SPATA13: variants seen among roughly 807,000 people sequenced by gnomAD.
SPATA13 encodes the protein spermatogenesis associated 13, also known as spermatogenesis-associated protein 13.
Under a neutral mutation model 104.0 loss-of-function variants are expected in SPATA13, and 50 were observed. The observed-to-expected ratio is 0.48, with a 90% confidence interval of 0.38 to 0.61. SPATA13 has a LOEUF of 0.61. Ranked by LOEUF, SPATA13 falls within the 20% of genes least tolerant of loss-of-function variation. The pLI is 0.00. For synonymous variants in SPATA13, 606 were observed against 667.5 expected, an observed-to-expected ratio of 0.91 and a Z score of 1.42; for missense variants, 1,524 against 1,690.6, an observed-to-expected ratio of 0.90 and a Z score of 1.73.
At chr13:23,987,001 CTGTG>C (rs113990315) in intron 2 of SPATA13, among the ~76,000 whole-genome samples, 2,271 of 141,492 alleles carry the variant, frequency 0.016, 22 homozygotes, top group South Asian at 0.025. Flanking sequence ...ATGGATATAT[CTGTG>C]TGTGTGTGTG....
intron 2 of SPATA13, among the ~76,000 whole-genome samples, chr13:24,234,162 G>A (rs529117338): frequency 2.3e-4 from 35 of 152,250 alleles, no homozygotes; most frequent in African/African-American, 8.2e-4. Flanking sequence ...TAATCAACTT[G>A]TCATGATGTA....
At chr13:24,243,249 G>A (rs143891173) in intron 2 of SPATA13, among the ~76,000 whole-genome samples, 10 of 152,212 alleles carry the variant, frequency 6.6e-5, no homozygotes, top group African/African-American at 1.7e-4. Context: ...CTACGTTACG[G>A]CTCTTTTAAA....
chr13:24,239,206 G>A (rs575862688), intron 2 of SPATA13, among the ~76,000 whole-genome samples: 1 of 152,290 alleles, frequency 6.6e-6, no homozygotes, highest in African/African-American at 2.4e-5. Context: ...CAATTATTTT[G>A]TTTGTAGAAT....
intron 3 of SPATA13, among the ~76,000 whole-genome samples, chr13:24,149,016 C>A (rs989653783): frequency 6.6e-6 from 1 of 152,156 alleles, no homozygotes; most frequent in African/African-American, 2.4e-5. Flanking sequence ...TAGGCTCCGT[C>A]CACAAACAAA....
intron 1 of SPATA13, among the ~76,000 whole-genome samples, chr13:24,171,557 G>A (rs894304244): frequency 2.0e-5 from 3 of 152,224 alleles, no homozygotes; most frequent in African/African-American, 7.2e-5. Flanking sequence ...AATTACAAAT[G>A]GCCCAACAAG....
chr13:24,004,815 A>G (rs935945870), intron 2 of SPATA13, among the ~76,000 whole-genome samples: 4 of 152,186 alleles, frequency 2.6e-5, no homozygotes, highest in Admixed American at 6.5e-5. Flanking sequence ...GCAAAAGGAT[A>G]CTCAGCAAAA....
chr13:23,985,128 C>G (rs970034920), intron 2 of SPATA13, among the ~76,000 whole-genome samples: 1 of 152,200 alleles, frequency 6.6e-6, no homozygotes, highest in African/African-American at 2.4e-5. Context: ...TGATGACTTC[C>G]TCAGGCGTGG....
At chr13:24,278,770 A>C in intron 4 of SPATA13, 4 of 1,601,096 alleles carry the variant, frequency 2.5e-6, no homozygotes, top group Non-Finnish European at 3.4e-6. Context: ...ACTCATACTC[A>C]AAAAAGAAAA....
intron 3 of SPATA13, among the ~76,000 whole-genome samples, chr13:24,077,432 C>T (rs769549719): frequency 2.6e-5 from 4 of 151,818 alleles, no homozygotes; most frequent in Non-Finnish European, 2.9e-5. Context: ...ATAGTACACA[C>T]GGACATAAAG....
At position 24,080,981 on chromosome 13, in the gene SPATA13, G is replaced by A. The variant is rs149645528; in HGVS notation, c.-112+63280G>A. On this transcript the variant is annotated intron_variant, in intron 3 of 14. Transcript: ENST00000424834. Reference sequence around the variant, plus strand: ...TCCCAATGCTCCCTTTTGTCATTCCGAGGGTTCTGTCATCCTCTGGTAAGG... The same window carrying A: ...TCCCAATGCTCCCTTTTGTCATTCCAAGGGTTCTGTCATCCTCTGGTAAGG... Among the ~76,000 whole-genome samples, 50 of 152,230 alleles carry A rather than the reference G, an allele frequency of 3.3e-4. No individual in the cohort carries two copies. The East Asian group carries it at 6.0e-3, about 18-fold the overall frequency.
chr13:24,270,261 C>T (rs1170423860), intron 4 of SPATA13, among the ~76,000 whole-genome samples: 1 of 152,176 alleles, frequency 6.6e-6, no homozygotes, highest in Non-Finnish European at 1.5e-5. Flanking sequence ...AGAGAACTTA[C>T]ATGTATACCT....
At chr13:24,272,625 G>T (rs1874699175) in intron 4 of SPATA13, 1 of 152,210 alleles carries the variant, frequency 6.6e-6, no homozygotes, top group South Asian at 2.1e-4. Flanking sequence ...CGGGTTTATG[G>T]GTTGTCTGCC....
chr13:24,247,272 G>A (rs970811912), intron 2 of SPATA13, among the ~76,000 whole-genome samples: 2 of 152,136 alleles, frequency 1.3e-5, no homozygotes, highest in African/African-American at 4.8e-5. Context: ...ATTGTCTTTT[G>A]AGCAGAGGTG....
At chr13:23,990,011 C>A (rs1205498150) in intron 2 of SPATA13, among the ~76,000 whole-genome samples, 1 of 152,162 alleles carries the variant, frequency 6.6e-6, no homozygotes, top group African/African-American at 2.4e-5. Context: ...TGTTTATAAG[C>A]CACCCAGGTT....
At chr13:24,265,154 T>C (rs996939429) in intron 4 of SPATA13, among the ~76,000 whole-genome samples, 11 of 152,200 alleles carry the variant, frequency 7.2e-5, no homozygotes, top group African/African-American at 2.7e-4. Context: ...CTGAGCTGTG[T>C]ATGATGGGGC....
Position 24,286,849 on chromosome 13 carries a change from C to G in SPATA13, c.2566C>G (p.His856Asp), listed in dbSNP as rs772539861. Residue 856 changes from histidine (H) to aspartate (D), a missense_variant, in exon 7 of 13, where the codon CAC becomes GAC. This residue lies in a region of SPATA13 where 435 missense variants were observed against 554.8 expected (regional missense o/e 0.78). Coordinates refer to ENST00000382108, the MANE Select transcript of SPATA13 (RefSeq NM_001166271.3). This position sits in a 1 kb window ranked among gnomAD's most constrained non-coding sequence, Gnocchi z 4.9. ...EQDEEASQSR[H>D]RHCENKQQMR... ...GGACGAGGAGGCCAGCCAGAGCCGC[C>G]ACAGACACTGTGAGAACAAGCAGCA... is the stretch of plus-strand genomic sequence containing the variant. 10 of 1,613,724 alleles carry G rather than the reference C, an allele frequency of 6.2e-6. No homozygotes were observed. The Admixed American group carries it at 1.3e-4, about 22-fold the overall frequency.
chr13:23,986,096 A>G (rs1001008718), intron 2 of SPATA13, among the ~76,000 whole-genome samples: 1 of 152,214 alleles, frequency 6.6e-6, no homozygotes, highest in African/African-American at 2.4e-5. Context: ...AGTTGGAATA[A>G]TAAATGCAGT....
At chr13:23,983,628 A>C (rs1875009841) in intron 1 of SPATA13, 1 of 144,172 alleles carries the variant, frequency 6.9e-6, no homozygotes, top group Non-Finnish European at 1.5e-5. Flanking sequence ...TTTTTACACT[A>C]GTATATTCTG....
At chr13:24,122,201 T>C in intron 3 of SPATA13, 1 of 1,475,244 alleles carries the variant, frequency 6.8e-7, no homozygotes, top group Non-Finnish European at 9.5e-7. Context: ...CATTGCTATA[T>C]ACTGTAACTG....
Sources: allele counts gnomAD v4.1 joint callset (sites outside exome capture counted in the v4.1 genomes callset), GRCh38; gene constraint gnomAD v4.1.1; regional missense constraint gnomAD v4.1.1; non-coding constraint Gnocchi (gnomAD v3.1); transcripts MANE v1.5; gene names NCBI Gene and HGNC (gene_info 2026-07-23, HGNC 2026-07-21).